Variants in MPP7 observed in about 807,000 individuals in gnomAD.
MPP7 encodes the protein MAGUK p55 subfamily member 7.
MPP7 carries 60 observed loss-of-function variants against 76.5 expected under a neutral mutation model. The observed-to-expected ratio is 0.78, with a 90% confidence interval of 0.64 to 0.97. The LOEUF (loss-of-function observed/expected upper bound fraction) is 0.97, where lower values mean the gene tolerates loss of function less well. Among genes scored for constraint, MPP7 ranks in the 50% least tolerant of loss-of-function variants. The pLI, the probability that MPP7 is intolerant of heterozygous loss-of-function variation, is 0.00. For synonymous variants in MPP7, 237 were observed against 244.5 expected, an observed-to-expected ratio of 0.97 and a Z score of 0.29; for missense variants, 641 against 694.0, an observed-to-expected ratio of 0.92 and a Z score of 0.86.
At chr10:28,214,256 TG>T (rs1486789041) in intron 2 of MPP7, among the ~76,000 whole-genome samples, 1 of 152,230 alleles carries the variant, frequency 6.6e-6, no homozygotes, top group Non-Finnish European at 1.5e-5. Flanking sequence ...TGCTGTACCC[TG>T]AAATTACAAC....
At chr10:28,188,902 T>C (rs537771597) in intron 3 of MPP7, among the ~76,000 whole-genome samples, 73 of 152,156 alleles carry the variant, frequency 4.8e-4, no homozygotes, top group African/African-American at 1.6e-3. Context: ...ATAAAAACTT[T>C]TTCAGACAAA....
In MPP7 at chr10:28,113,565, C is replaced by T. The variant is rs530155616; in HGVS notation, c.952+6086G>A. Among the ~76,000 whole-genome samples the T allele has an allele frequency of 5.7e-4, 87 of 152,176 alleles. 1 individual carries two copies. The highest frequency in any genetic ancestry group is 1.9e-3 in the African/African-American group (80 of 41,522). ...ATAATCAAGTCCTTATGAGAGAGGA[C>T]ATCTGGTCACAGGTGGACACTTAGG... On this transcript the variant is annotated intron_variant, in intron 11 of 16. Transcript: ENST00000683449.
At chr10:28,062,142 T>C (rs1350214030) in intron 13 of MPP7, among the ~76,000 whole-genome samples, 1 of 152,184 alleles carries the variant, frequency 6.6e-6, no homozygotes, top group African/African-American at 2.4e-5. Flanking sequence ...TATATGACTA[T>C]TTTAAAGAAA....
intron 16 of MPP7, among the ~76,000 whole-genome samples, chr10:28,054,890 T>C (rs1434827261): frequency 6.6e-6 from 1 of 152,168 alleles, no homozygotes; most frequent in African/African-American, 2.4e-5. Context: ...TTCACCAGGC[T>C]GGTCTGGAAC....
At chr10:28,178,965 G>C (rs1395920640) in intron 3 of MPP7, among the ~76,000 whole-genome samples, 2 of 152,118 alleles carry the variant, frequency 1.3e-5, no homozygotes, top group Non-Finnish European at 2.9e-5. Flanking sequence ...GTAAAATCCA[G>C]AAAGGCCAAT....
upstream of MPP7, chr10:28,303,514 C>G (rs972036572): frequency 6.6e-5 from 10 of 152,164 alleles, no homozygotes; most frequent in African/African-American, 2.4e-4. Context: ...GACAAGTCTC[C>G]TAGGTTTAAA....
chr10:28,308,897 G>T (rs1313882672), intron 2 of MPP7, among the ~76,000 whole-genome samples: 1 of 145,414 alleles, frequency 6.9e-6, no homozygotes, highest in Non-Finnish European at 1.5e-5. Context: ...AACTGCTCTT[G>T]TTAATTAACA....
At chr10:28,088,357 T>C (rs1853120034) in intron 12 of MPP7, among the ~76,000 whole-genome samples, 3 of 152,132 alleles carry the variant, frequency 2.0e-5, no homozygotes, top group African/African-American at 7.2e-5. Context: ...GGTAGCTAGA[T>C]CACAGAGGTA....
In MPP7 at chr10:28,183,413, T is replaced by A. The variant is rs565824758; in HGVS notation, c.156+18740A>T. 2.0e-5 allele frequency among the ~76,000 whole-genome samples: 3 copies of A among 152,318 alleles called. No individual in the cohort carries two copies. The South Asian group carries it at 6.2e-4, about 32-fold the overall frequency. On this transcript the variant is annotated intron_variant, in intron 3 of 16. Coordinates refer to ENST00000683449, the MANE Select transcript of MPP7 (RefSeq NM_001318170.2). ...ACACTTAGCCAACTCAAGAACTTTT[T>A]AAAGATTTCTAATCACAGACTATTA...
chr10:28,255,441 G>C (rs1377465756), intron 1 of MPP7, among the ~76,000 whole-genome samples: 1 of 145,610 alleles, frequency 6.9e-6, no homozygotes, highest in Non-Finnish European at 1.5e-5. Context: ...TTCTGCAACG[G>C]AGTCTCACTG....
At chr10:28,167,856 A>G (rs1836537503) in intron 3 of MPP7, among the ~76,000 whole-genome samples, 1 of 152,182 alleles carries the variant, frequency 6.6e-6, no homozygotes, top group South Asian at 2.1e-4. Flanking sequence ...AGATTTACAG[A>G]TCTCTTATAT....
chr10:28,065,191 G>T (rs1163362828), intron 13 of MPP7, among the ~76,000 whole-genome samples: 1 of 152,158 alleles, frequency 6.6e-6, no homozygotes, highest in Non-Finnish European at 1.5e-5. Flanking sequence ...TATGATGGCA[G>T]GACACTTTGG....
chr10:28,234,336 T>C (rs746609763), intron 2 of MPP7, among the ~76,000 whole-genome samples: 18 of 152,256 alleles, frequency 1.2e-4, no homozygotes, highest in South Asian at 4.1e-4. Flanking sequence ...CATGACTCCA[T>C]ACTGATCTGA....
At chr10:28,264,713 T>C (rs1331076768) in intron 1 of MPP7, among the ~76,000 whole-genome samples, 2 of 152,008 alleles carry the variant, frequency 1.3e-5, no homozygotes, top group African/African-American at 2.4e-5. Flanking sequence ...GCACAGAGCA[T>C]GTGAAGGAAA....
At chr10:28,132,595 AT>A (rs1315458295) in intron 5 of MPP7, among the ~76,000 whole-genome samples, 2 of 151,450 alleles carry the variant, frequency 1.3e-5, no homozygotes, top group Admixed American at 6.6e-5. Context: ...ATGCCCAGCT[AT>A]TTTTTTTATT....
chr10:28,148,613 C>G (rs948509927), intron 4 of MPP7, among the ~76,000 whole-genome samples: 44 of 152,112 alleles, frequency 2.9e-4, no homozygotes, highest in Non-Finnish European at 1.8e-4. Context: ...TCAAACACTG[C>G]TTTACTTTTT....
intron 13 of MPP7, among the ~76,000 whole-genome samples, chr10:28,060,018 A>G (rs1411661980): frequency 6.6e-6 from 1 of 151,944 alleles, no homozygotes; most frequent in Non-Finnish European, 1.5e-5. Context: ...ACCTGATACA[A>G]GAGTGCTATT....
intron 2 of MPP7, among the ~76,000 whole-genome samples, chr10:28,233,482 C>T (rs60301798): frequency 2.0e-5 from 3 of 147,822 alleles, no homozygotes; most frequent in African/African-American, 7.5e-5. Flanking sequence ...CCGAGGCAGG[C>T]GGAATCACAA....
chr10:28,192,638 T>C (rs1228077479), intron 3 of MPP7, among the ~76,000 whole-genome samples: 1 of 152,094 alleles, frequency 6.6e-6, no homozygotes, highest in Non-Finnish European at 1.5e-5. Flanking sequence ...TCTCAATAAA[T>C]TGAGGAATAT....
Sources: allele counts gnomAD v4.1 joint callset (sites outside exome capture counted in the v4.1 genomes callset), GRCh38; gene constraint gnomAD v4.1.1; transcripts MANE v1.5; gene names NCBI Gene and HGNC (gene_info 2026-07-23, HGNC 2026-07-21).